Variants in POLQ observed in about 807,000 individuals in gnomAD.
POLQ encodes epididymis secretory sperm binding protein.
Under a neutral mutation model 259.2 loss-of-function variants are expected in POLQ, and 233 were observed. The observed-to-expected ratio is 0.90, with a 90% CI of 0.81 to 1.00. The LOEUF is 1.00. Among genes scored for constraint, POLQ ranks in the 50% least tolerant of loss-of-function variants. The pLI, the probability that POLQ is intolerant of heterozygous loss-of-function variation, is 0.00. For synonymous variants in POLQ, 1,025 were observed against 1,048.8 expected, an observed-to-expected ratio of 0.98 and a Z score of 0.44; for missense variants, 2,871 against 3,051.6, an observed-to-expected ratio of 0.94 and a Z score of 1.39.
In POLQ at chr3:121,483,206, A is replaced by C. The variant is rs2047983900; in HGVS notation, c.5970+180T>G. Among the ~76,000 whole-genome samples the C allele has an allele frequency of 2.0e-5, 3 of 152,208 alleles. No individual in the cohort carries two copies. In the South Asian group the frequency reaches 6.2e-4, roughly 32 times the overall value. On this transcript the variant is annotated intron_variant, in intron 18 of 29. Transcript: ENST00000264233. Reference sequence around the variant, plus strand: ...ATTTGTGACATCTCTGTTTTTATCTACACAGAGATATTTGGTGCATGATAT... The same window carrying C: ...ATTTGTGACATCTCTGTTTTTATCTCCACAGAGATATTTGGTGCATGATAT...
Position 121,540,951 on chromosome 3 carries a change from G to T in POLQ, c.474+398C>A, listed in dbSNP as rs183135763. ...CTGTTGCCCAGGCTGGAGTGCAATAGCGTGATCTCGGCTCACTGCAACCTC... is the reference window on the plus strand; with the variant it reads ...CTGTTGCCCAGGCTGGAGTGCAATATCGTGATCTCGGCTCACTGCAACCTC... On this transcript the variant is annotated intron_variant, in intron 3 of 29. Transcript: ENST00000264233. Among the ~76,000 whole-genome samples the T allele has an allele frequency of 2.0e-5, 3 of 150,668 alleles. No homozygotes were observed. In the East Asian group the frequency reaches 5.9e-4, roughly 29 times the overall value.
intron 24 of POLQ, among the ~76,000 whole-genome samples, chr3:121,465,001 T>A (rs1309919825): frequency 6.6e-6 from 1 of 152,136 alleles, no homozygotes; most frequent in Non-Finnish European, 1.5e-5. Context: ...TAAAAAAAGA[T>A]GAACCAGCTT....
intron 21 of POLQ, among the ~76,000 whole-genome samples, chr3:121,472,702 A>C (rs1180352195): frequency 6.6e-6 from 1 of 152,200 alleles, no homozygotes; most frequent in African/African-American, 2.4e-5. Flanking sequence ...TATAGCCTGG[A>C]GCTAAGGAAA....
In POLQ at chr3:121,539,462, A is replaced by G. The variant is rs778879249; in HGVS notation, c.602T>C (p.Leu201Pro). Residue 201 changes from leucine (L) to proline (P), a missense_variant, in exon 4 of 30, where the codon CTC (leucine) becomes CCC (proline). Coordinates refer to ENST00000264233, the MANE Select transcript of POLQ (RefSeq NM_199420.4). ...IERANGLINRLIEENKMDLLG... is the reference protein window; with the variant it reads ...IERANGLINRPIEENKMDLLG... ...CAGATCCATCTTATTTTCCTCTATGAGGCGATTGATCAGACCATTGGCTCT... is the reference window on the plus strand; with the variant it reads ...CAGATCCATCTTATTTTCCTCTATGGGGCGATTGATCAGACCATTGGCTCT... The G allele has an allele frequency of 1.1e-5, 17 of 1,608,596 alleles. No homozygotes were observed. Among genetic ancestry groups the G allele is most frequent in the Non-Finnish European group, 1.4e-5 (16 of 1,178,518 alleles).
chr3:121,483,824 G>A (rs746016203), intron 17 of POLQ, among the ~76,000 whole-genome samples: 1 of 151,780 alleles, frequency 6.6e-6, no homozygotes, highest in Non-Finnish European at 1.5e-5. Context: ...TAATTAGGTG[G>A]GAGAAAATAT....
chr3:121,520,114 G>GAT, intron 8 of POLQ, 31 bp from the exon 9 acceptor site: 1 of 1,221,310 alleles, frequency 8.2e-7, no homozygotes, highest in East Asian at 2.4e-5. Flanking sequence ...TATATTTATT[G>GAT]ATATATAACG....
chr3:121,438,142 G>A (rs1009441209), intron 27 of POLQ, among the ~76,000 whole-genome samples: 2 of 152,008 alleles, frequency 1.3e-5, no homozygotes, highest in Admixed American at 1.3e-4. Flanking sequence ...TACAACAAAA[G>A]TTTGAACAAA....
In POLQ at chr3:121,481,655, C is replaced by T. The variant is rs1170864124; in HGVS notation, c.6128G>A (p.Arg2043Gln). ...GLNAGSEHSG[R>Q]YRASVESILI... is the part of the protein sequence containing the mutation. ...AATGGACTCCACAGATGCTCTGTAT[C>T]GCCCAGAATGCTCACTGCCAGCATT... is the stretch of plus-strand genomic sequence containing the variant. Residue 2043 changes from arginine (R) to glutamine (Q), a missense_variant, in exon 19 of 30, where the codon CGA becomes CAA. This residue lies in a region of POLQ where 2,080 missense variants were observed against 2,126.0 expected (regional missense o/e 0.98). Coordinates refer to ENST00000264233, the MANE Select transcript of POLQ (RefSeq NM_199420.4). 1.9e-6 allele frequency: 3 copies of T among 1,614,020 alleles called. No individual in the cohort carries two copies. The highest frequency in any genetic ancestry group is 2.2e-5 in the East Asian group (1 of 44,872).
chr3:121,457,378 A>T (rs2047750771), intron 25 of POLQ, among the ~76,000 whole-genome samples: 1 of 152,220 alleles, frequency 6.6e-6, no homozygotes, highest in Non-Finnish European at 1.5e-5. Flanking sequence ...GCCAAAATTG[A>T]CAAATGGGAT....
Position 121,432,416 on chromosome 3 carries a change from A to C in POLQ, c.7661T>G (p.Val2554Gly). 3 of 1,602,152 alleles carry C rather than the reference A, an allele frequency of 1.9e-6. No individual in the cohort carries two copies. Among genetic ancestry groups the C allele is most frequent in the Non-Finnish European group, 2.6e-6 (3 of 1,176,116 alleles). The change falls in exon 30 of 30, where the codon GTA (valine) becomes GGA (glycine). Residue 2554 changes from valine to glycine, a missense_variant and splice_region_variant. Physicochemically the swap from Val to Gly is moderately radical, Grantham distance 109. Coordinates refer to ENST00000264233, the MANE Select transcript of POLQ (RefSeq NM_199420.4). ...CATTTCATTCTTGACAATCTGAGCTACCTAAGGAAAAAAAAAATGTAGTTA... is the reference window on the plus strand; with the variant it reads ...CATTTCATTCTTGACAATCTGAGCTCCCTAAGGAAAAAAAAAATGTAGTTA... ...YEVAEEDVVQ[V>G]AQIVKNEMES...
chr3:121,459,496 C>T (rs2108783816), intron 25 of POLQ, among the ~76,000 whole-genome samples: 1 of 151,644 alleles, frequency 6.6e-6, no homozygotes, highest in Admixed American at 6.6e-5. Context: ...ATTCTCCTGC[C>T]TCAGCCTCCC....
rs1560094447 is a variant in POLQ, at chr3:121,479,105, A to T, written c.6212-2372T>A. On this transcript the variant is annotated intron_variant, in intron 19 of 29. Transcript: ENST00000264233. ...AACTACAACACAATTAAGTTTAAAT[A>T]TAATAAAAATACAAAATAAAAGTTT... is the stretch of plus-strand genomic sequence containing the variant. 2.0e-5 allele frequency among the ~76,000 whole-genome samples: 3 copies of T among 152,334 alleles called. 1 individual carries two copies. In the South Asian group the frequency reaches 6.2e-4, roughly 32 times the overall value.
In POLQ at chr3:121,451,614, C is replaced by A. The variant is rs544938130; in HGVS notation, c.7153-2188G>T. Among the ~76,000 whole-genome samples, 138 of 152,288 alleles carry A rather than the reference C, an allele frequency of 9.1e-4. No homozygotes were observed. In the Middle Eastern group the frequency reaches 0.01, roughly 11 times the overall value. ...GCTGCAGAACAGTGAATATTGCTGA[C>A]CAGCAAATGTTGCTGCCTGATCGCT... On this transcript the variant is annotated intron_variant, in intron 25 of 29. Coordinates refer to ENST00000264233, the MANE Select transcript of POLQ (RefSeq NM_199420.4).
chr3:121,440,497 G>A (rs1037515030), intron 26 of POLQ, among the ~76,000 whole-genome samples: 1 of 152,024 alleles, frequency 6.6e-6, no homozygotes, highest in Non-Finnish European at 1.5e-5. Context: ...CACGATGCCA[G>A]GATAATTTTT....
intron 7 of POLQ, among the ~76,000 whole-genome samples, chr3:121,525,872 C>G (rs1254739119): frequency 6.6e-6 from 1 of 152,200 alleles, no homozygotes; most frequent in African/African-American, 2.4e-5. Flanking sequence ...AGATTCATAT[C>G]TTGAAACCCT....
chr3:121,506,475 C>T (rs2048210200), intron 12 of POLQ, among the ~76,000 whole-genome samples: 1 of 152,060 alleles, frequency 6.6e-6, no homozygotes, highest in Admixed American at 6.6e-5. Flanking sequence ...CTATAGACTG[C>T]CATTCTGGAC....
intron 8 of POLQ, 151 bp downstream of exon 8, chr3:121,521,852 T>C (rs1299877910): frequency 2.0e-6 from 1 of 491,518 alleles, no homozygotes; most frequent in Non-Finnish European, 3.4e-6. Flanking sequence ...ATTACAGGAG[T>C]GAGCCACCAC....
intron 16 of POLQ, among the ~76,000 whole-genome samples, chr3:121,486,221 T>C (rs2048009552): frequency 1.3e-5 from 2 of 152,186 alleles, no homozygotes. Context: ...ATTTTGTAAT[T>C]ACATAAGCAA....
At chr3:121,504,566 C>G (rs181764171) in intron 12 of POLQ, among the ~76,000 whole-genome samples, 33 of 152,210 alleles carry the variant, frequency 2.2e-4, no homozygotes, top group Admixed American at 1.6e-3. Context: ...ACTCCAAAAC[C>G]ACACAAAGAC....
Sources: gnomAD v4.1 joint callset for allele counts (sites outside exome capture counted in the v4.1 genomes callset) on GRCh38, gnomAD v4.1.1 for gene constraint, gnomAD v4.1.1 regional missense constraint, MANE v1.5 for transcripts, NCBI Gene and HGNC (gene_info 2026-07-23, HGNC 2026-07-21) for gene names.